The following PRKCD variants were observed in gnomAD, a reference collection of about 807,000 sequenced individuals.
PRKCD encodes protein kinase C delta, also known as protein kinase C delta type.
A neutral mutation model predicts 82.2 loss-of-function variants in PRKCD; 20 were observed. The ratio of observed to expected loss-of-function variants is 0.24; its 90% CI spans 0.17 to 0.35. The LOEUF is 0.35. Ranked by LOEUF, PRKCD falls within the 10% of genes least tolerant of loss-of-function variation. The probability of loss-of-function intolerance (pLI) is 1.00; values close to 1 mark genes in which losing one functional copy is unlikely to be tolerated. For synonymous variants in PRKCD, 317 were observed against 337.0 expected (o/e 0.94, Z 0.65); for missense variants, 607 against 899.0 (o/e 0.68, Z 4.15).
rs782058715 is a variant in PRKCD at position 53,178,419 on chromosome 3, C to T, written c.-4C>T. 1 of 1,610,140 alleles carries T rather than the reference C, an allele frequency of 6.2e-7. No individual in the cohort carries two copies. Among genetic ancestry groups the T allele is most frequent in the South Asian group, 1.1e-5 (1 of 90,890 alleles). On this transcript the variant is annotated 5_prime_UTR_variant, in exon 3 of 19. Coordinates refer to ENST00000330452, the MANE Select transcript of PRKCD (RefSeq NM_006254.4). ...GTGTGCACAGCCCCACTGCAGGCCCCACCATGGCGCCGTTCCTGCGCATCG... is the reference window on the plus strand; with the variant it reads ...GTGTGCACAGCCCCACTGCAGGCCCTACCATGGCGCCGTTCCTGCGCATCG...
intron 7 of PRKCD, chr3:53,181,965 G>A: frequency 1.4e-6 from 1 of 711,000 alleles, no homozygotes; most frequent in Non-Finnish European, 2.5e-6. Flanking sequence ...GGGAGTTGGT[G>A]GATGGCAATT....
chr3:53,180,451 G>T (rs1703394489), intron 4 of PRKCD, among the ~76,000 whole-genome samples: 1 of 152,252 alleles, frequency 6.6e-6, no homozygotes, highest in Non-Finnish European at 1.5e-5. Context: ...GCAGCTGTGT[G>T]TTCTGGGTGG....
At chr3:53,174,549 A>G (rs782540982) in intron 2 of PRKCD, among the ~76,000 whole-genome samples, 4 of 152,094 alleles carry the variant, frequency 2.6e-5, no homozygotes, top group Non-Finnish European at 5.9e-5. Flanking sequence ...CTTCACCCCC[A>G]TCTCCCTGCC....
At chr3:53,181,411 C>A in intron 5 of PRKCD, 33 bp from the exon 6 acceptor site, 1 of 1,613,744 alleles carries the variant, frequency 6.2e-7, no homozygotes, top group Non-Finnish European at 8.5e-7. Flanking sequence ...CTTCCAGATA[C>A]CAGGGCTGAC....
chr3:53,170,137 C>T (rs544844112), intron 2 of PRKCD, among the ~76,000 whole-genome samples: 2 of 78,868 alleles, frequency 2.5e-5, no homozygotes, highest in Non-Finnish European at 3.4e-5. Context: ...TCTGGAAAAT[C>T]GTGGGAACTC....
At chr3:53,188,186 TCAAAAAA>T (rs1703781086) in intron 15 of PRKCD, among the ~76,000 whole-genome samples, 1 of 1,918 alleles carries the variant, frequency 5.2e-4, no homozygotes, top group African/African-American at 6.1e-4. Context: ...AGACTGTGTC[TCAAAAAA>T]AAAAAAAAAA....
At position 53,189,120 on chromosome 3, in the gene PRKCD, C is replaced by T. The variant is rs375360762; in HGVS notation, c.1617C>T (p.Tyr539=). ...VDWWSFGVLL[Y]EMLIGQSPFH... ...GGTGGTCTTTCGGGGTCCTTCTGTACGAGATGCTCATTGGCCAGTCCCCCT... is the reference window on the plus strand; with the variant it reads ...GGTGGTCTTTCGGGGTCCTTCTGTATGAGATGCTCATTGGCCAGTCCCCCT... Residue 539 remains tyrosine (Y), a synonymous_variant, in exon 17 of 19, where the codon TAC becomes TAT. Coordinates refer to ENST00000330452, the MANE Select transcript of PRKCD (RefSeq NM_006254.4). 2.3e-5 allele frequency: 37 copies of T among 1,614,098 alleles called. No individual in the cohort carries two copies. The highest frequency in any genetic ancestry group is 5.3e-5 in the African/African-American group (4 of 74,940).
In PRKCD at chr3:53,192,182, G is replaced by T. The variant is rs782148014; in HGVS notation, c.1947G>T (p.Lys649Asn). Residue 649 changes from lysine (K) to asparagine (N), a missense_variant, in exon 19 of 19, where the codon AAG becomes AAT. Transcript: ENST00000330452. Reference sequence around the variant, plus strand: ...AGGCGCGCCTCTCCTACAGCGACAAGAACCTCATCGACTCCATGGACCAGT... The same window carrying T: ...AGGCGCGCCTCTCCTACAGCGACAATAACCTCATCGACTCCATGGACCAGT... ...NEKARLSYSDKNLIDSMDQSA... is the reference protein window; with the variant it reads ...NEKARLSYSDNNLIDSMDQSA... The T allele has an allele frequency of 1.4e-5, 22 of 1,613,568 alleles. No homozygotes were observed. The highest frequency in any genetic ancestry group is 1.9e-5 in the Non-Finnish European group (22 of 1,179,962).
chr3:53,185,752 AG>A, intron 11 of PRKCD, 52 bp downstream of exon 11: 1 of 1,578,358 alleles, frequency 6.3e-7, no homozygotes, highest in Non-Finnish European at 8.7e-7. Flanking sequence ...CTGAGGCCAA[AG>A]AAAGGGGACT....
intron 2 of PRKCD, among the ~76,000 whole-genome samples, chr3:53,171,124 C>T (rs2107233099): frequency 6.6e-6 from 1 of 152,278 alleles, no homozygotes; most frequent in East Asian, 1.9e-4. Flanking sequence ...GGCTGCATCC[C>T]CCACCCTGGC....
At chr3:53,181,955 G>A (rs1444825173) in intron 7 of PRKCD, 2 of 729,472 alleles carry the variant, frequency 2.7e-6, no homozygotes, top group Non-Finnish European at 4.8e-6. Flanking sequence ...TTCAGTGACG[G>A]GGAGTTGGTG....
chr3:53,170,937 CTGTGTG>C (rs3075732), intron 2 of PRKCD, among the ~76,000 whole-genome samples: 2 of 149,482 alleles, frequency 1.3e-5, no homozygotes, highest in Admixed American at 6.6e-5. Flanking sequence ...ATGTGTGTTT[CTGTGTG>C]TGTGTGTGTG....
Position 53,187,361 on chromosome 3 carries a change from G to A in PRKCD, c.1374G>A (p.Met458Ile), listed in dbSNP as rs782302678. The change falls in exon 15 of 19, where the codon ATG becomes ATA. Residue 458 changes from methionine to isoleucine, a missense_variant. This residue lies in a region of PRKCD where 251 missense variants were observed against 423.9 expected (regional missense o/e 0.59). Coordinates refer to ENST00000330452, the MANE Select transcript of PRKCD (RefSeq NM_006254.4). ...CCAGGTTTTATGCCGCTGAGATAAT[G>A]TGTGGACTGCAGTTTCTACACAGCA... Reference protein sequence around the residue: ...YRATFYAAEIMCGLQFLHSKG... With the variant: ...YRATFYAAEIICGLQFLHSKG... The A allele has an allele frequency of 1.2e-6, 2 of 1,614,202 alleles. No homozygotes were observed. The highest frequency in any genetic ancestry group is 1.7e-6 in the Non-Finnish European group (2 of 1,180,036).
In PRKCD at chr3:53,179,678, C is replaced by T. The variant is rs782144950; in HGVS notation, c.217C>T (p.Leu73=). 6 of 1,612,574 alleles carry T rather than the reference C, an allele frequency of 3.7e-6. No homozygotes were observed. The highest frequency in any genetic ancestry group is 1.6e-4 in the Middle Eastern group (1 of 6,082). The stretch of plus-strand genomic sequence containing the variant: ...TGAGGGGCGCGTCATCCAGATTGTG[C>T]TAATGCGGGCAGCAGAGGAGCCAGT... ...IYEGRVIQIV[L]MRAAEEPVSE... is the part of the protein sequence containing the mutation. The change falls in exon 4 of 19, where the codon CTA becomes TTA. Residue 73 remains leucine, a synonymous_variant. Coordinates refer to ENST00000330452, the MANE Select transcript of PRKCD (RefSeq NM_006254.4).
chr3:53,181,881 G>A (rs912572318), intron 7 of PRKCD, 149 bp downstream of exon 7: 31 of 1,197,958 alleles, frequency 2.6e-5, no homozygotes, highest in Middle Eastern at 1.9e-4. Flanking sequence ...AGTTCAGTGA[G>A]TGCTGGGGCT....
intron 2 of PRKCD, among the ~76,000 whole-genome samples, chr3:53,168,428 T>A (rs1702903929): frequency 6.6e-6 from 1 of 152,024 alleles, no homozygotes; most frequent in Admixed American, 6.5e-5. Context: ...AGCAGGGGCC[T>A]GAGGGCTGGA....
chr3:53,175,354 G>T (rs1431405483), intron 2 of PRKCD, among the ~76,000 whole-genome samples: 1 of 152,136 alleles, frequency 6.6e-6, no homozygotes, highest in Non-Finnish European at 1.5e-5. Context: ...CCGCAGTGAG[G>T]GGGGTGATAG....
chr3:53,162,812 G>A (rs6804551), intron 1 of PRKCD, among the ~76,000 whole-genome samples: 2,880 of 151,806 alleles, frequency 0.019, 105 homozygotes, highest in African/African-American at 0.066. Flanking sequence ...CCATGAGTAC[G>A]TTAGATCTGT....
Position 53,164,303 on chromosome 3 carries a change from G to A in PRKCD, c.-131-801G>A, listed in dbSNP as rs535529965. The stretch of plus-strand genomic sequence containing the variant: ...AGAGATTAAAAAATGTCACTCTTCA[G>A]TCTGGGCACGGTGGCTCACACCTGT... On this transcript the variant is annotated intron_variant, in intron 1 of 18. Transcript: ENST00000330452. Among the ~76,000 whole-genome samples, 223 of 152,334 alleles carry A rather than the reference G, an allele frequency of 1.5e-3. 1 individual carries two copies. Among genetic ancestry groups the A allele is most frequent in the African/African-American group, 5.2e-3 (216 of 41,572 alleles).
Sources: gnomAD v4.1 joint callset for allele counts (sites outside exome capture counted in the v4.1 genomes callset) on GRCh38, gnomAD v4.1.1 for gene constraint, gnomAD v4.1.1 regional missense constraint, MANE v1.5 for transcripts, NCBI Gene and HGNC (gene_info 2026-07-23, HGNC 2026-07-21) for gene names.